The following NTM variants were observed in gnomAD, a reference collection of about 807,000 sequenced individuals.
NTM encodes the protein neurotrimin.
NTM carries 13 observed loss-of-function variants against 42.1 expected under a neutral mutation model. That is an observed-to-expected ratio of 0.31 (90% CI 0.20 to 0.49). NTM has a LOEUF of 0.49. Among genes scored for constraint, NTM ranks in the 20% least tolerant of loss-of-function variants. The probability of loss-of-function intolerance (pLI) is 0.99; values close to 1 mark genes in which losing one functional copy is unlikely to be tolerated. For synonymous variants in NTM, 187 were observed against 179.2 expected (o/e 1.04, Z -0.35); for missense variants, 373 against 452.8 (o/e 0.82, Z 1.60).
In NTM at chr11:131,944,360, T is replaced by C. The variant is rs144632336; in HGVS notation, c.167+32712T>C. Among the ~76,000 whole-genome samples, 567 of 152,298 alleles carry C rather than the reference T, an allele frequency of 3.7e-3. 3 individuals carry two copies. Among genetic ancestry groups the C allele is most frequent in the African/African-American group, 0.013 (537 of 41,564 alleles). On this transcript the variant is annotated intron_variant, in intron 2 of 8. Coordinates refer to ENST00000683400, the MANE Select transcript of NTM (RefSeq NM_001352005.2). ...TTAGTGGTGAGCTCTTGATGAACTA[T>C]ATTTGGGAGGCCCCAGTTTTGCAGG...
chr11:132,248,086 C>G (rs1314739272), intron 4 of NTM, among the ~76,000 whole-genome samples: 1 of 152,166 alleles, frequency 6.6e-6, no homozygotes, highest in African/African-American at 2.4e-5. Flanking sequence ...CCAAAATGTT[C>G]TTGTCTGATG....
intron 2 of NTM, among the ~76,000 whole-genome samples, chr11:131,963,522 A>G (rs977279873): frequency 3.9e-5 from 6 of 152,240 alleles, no homozygotes; most frequent in Admixed American, 3.9e-4. Flanking sequence ...ATGTGCAGAA[A>G]TGCAAGACAC....
At chr11:132,105,630 A>C (rs1591544535) in intron 2 of NTM, among the ~76,000 whole-genome samples, 1 of 152,164 alleles carries the variant, frequency 6.6e-6, no homozygotes, top group Non-Finnish European at 1.5e-5. Flanking sequence ...TCAGTATGAG[A>C]CTTAGGCACT....
At chr11:132,017,835 T>C (rs1173389372) in intron 2 of NTM, among the ~76,000 whole-genome samples, 1 of 152,034 alleles carries the variant, frequency 6.6e-6, no homozygotes, top group East Asian at 1.9e-4. Flanking sequence ...CACAGTATTA[T>C]GTAGTTTTCA....
chr11:132,006,090 G>A (rs1557485), intron 2 of NTM, among the ~76,000 whole-genome samples: 12,621 of 152,150 alleles, frequency 0.083, 684 homozygotes, highest in Non-Finnish European at 0.12. Flanking sequence ...CTCTTTGGAA[G>A]CCTCATCCCA....
At chr11:131,909,093 A>G (rs2054299967) in intron 1 of NTM, among the ~76,000 whole-genome samples, 1 of 152,200 alleles carries the variant, frequency 6.6e-6, no homozygotes, top group Admixed American at 6.5e-5. Flanking sequence ...AGTTAATGCA[A>G]AGTATTTTGA....
intron 2 of NTM, among the ~76,000 whole-genome samples, chr11:131,996,437 C>T (rs1237845768): frequency 6.6e-6 from 1 of 152,174 alleles, no homozygotes. Context: ...TTTATATCGC[C>T]TGCCACTGTG....
chr11:131,627,211 C>A (rs1169643951), intron 1 of NTM, among the ~76,000 whole-genome samples: 1 of 149,522 alleles, frequency 6.7e-6, no homozygotes, highest in African/African-American at 2.5e-5. Context: ...ATAAAGCAGG[C>A]GGCTTTTATT....
At chr11:132,022,849 G>T (rs1057283349) in intron 2 of NTM, among the ~76,000 whole-genome samples, 1 of 152,200 alleles carries the variant, frequency 6.6e-6, no homozygotes, top group African/African-American at 2.4e-5. Flanking sequence ...CCTTCAGCTG[G>T]TGATAATTGG....
intron 4 of NTM, among the ~76,000 whole-genome samples, chr11:132,275,899 G>A (rs1006643103): frequency 1.3e-5 from 2 of 151,486 alleles, no homozygotes; most frequent in East Asian, 1.9e-4. Context: ...GTTAACCATA[G>A]TCACCCTGCA....
chr11:131,757,519 C>T (rs1220034532), intron 1 of NTM, among the ~76,000 whole-genome samples: 2 of 152,194 alleles, frequency 1.3e-5, no homozygotes, highest in Non-Finnish European at 2.9e-5. Flanking sequence ...CACTGATTCT[C>T]TTCCTGCCCT....
chr11:132,115,304 C>T (rs186256391), intron 2 of NTM, among the ~76,000 whole-genome samples: 80 of 151,832 alleles, frequency 5.3e-4, no homozygotes, highest in Middle Eastern at 3.4e-3. Flanking sequence ...ATCCTCACCA[C>T]AAAGGAAAGA....
intron 1 of NTM, among the ~76,000 whole-genome samples, chr11:131,779,849 T>C (rs911480368): frequency 2.0e-4 from 31 of 152,156 alleles, no homozygotes; most frequent in African/African-American, 7.5e-4. Flanking sequence ...GTGAAAAGGA[T>C]GGGAGTGCAG....
At chr11:132,192,149 C>G (rs1411881748) in intron 3 of NTM, among the ~76,000 whole-genome samples, 2 of 152,008 alleles carry the variant, frequency 1.3e-5, no homozygotes, top group African/African-American at 4.8e-5. Flanking sequence ...CATGCAAATT[C>G]AAGAAATTGA....
chr11:132,281,032 G>T (rs1298358920), intron 4 of NTM, among the ~76,000 whole-genome samples: 2 of 152,100 alleles, frequency 1.3e-5, no homozygotes, highest in African/African-American at 4.8e-5. Flanking sequence ...AGCCCCCATT[G>T]CATTGTAGAC....
intron 2 of NTM, among the ~76,000 whole-genome samples, chr11:131,913,898 G>C (rs908772754): frequency 1.3e-5 from 2 of 152,270 alleles, no homozygotes; most frequent in South Asian, 4.1e-4. Flanking sequence ...GGGTCTGAGC[G>C]ACACCAGCCC....
chr11:132,124,601 T>C (rs1398929750), intron 2 of NTM, among the ~76,000 whole-genome samples: 1 of 152,248 alleles, frequency 6.6e-6, no homozygotes, highest in Non-Finnish European at 1.5e-5. Context: ...TCTGAATATT[T>C]TTTGTGTACG....
chr11:132,146,349 A>C lies in NTM; in HGVS notation c.235A>C (p.Asn79His). 6.2e-7 allele frequency: 1 copy of C among 1,614,162 alleles called. No homozygotes were observed. The highest frequency in any genetic ancestry group is 8.5e-7 in the Non-Finnish European group (1 of 1,180,044). ...CCGCAGCACCATCCTCTATGCTGGG[A>C]ATGACAAGTGGTGCCTGGATCCTCG... is the stretch of plus-strand genomic sequence containing the variant. ...LNRSTILYAG[N>H]DKWCLDPRVV... The change falls in exon 3 of 9, where the codon AAT becomes CAT. Residue 79 changes from asparagine (N) to histidine (H), a missense_variant. Around this residue, in one of 3 missense-constraint regions of NTM, gnomAD observed 312 missense variants for 353.5 expected, o/e 0.88. Transcript: ENST00000683400. The surrounding 1 kb of genome is among the most constrained non-coding windows in gnomAD (Gnocchi z 4.5).
intron 4 of NTM, 40 bp downstream of exon 4, chr11:132,212,187 TGGG>T: frequency 6.3e-7 from 1 of 1,583,760 alleles, no homozygotes; most frequent in Non-Finnish European, 8.6e-7. Flanking sequence ...TGAGGATAAA[TGGG>T]GGAATTTTGG....
Sources: gnomAD v4.1 joint callset for allele counts (sites outside exome capture counted in the v4.1 genomes callset) on GRCh38, gnomAD v4.1.1 for gene constraint, gnomAD v4.1.1 regional missense constraint, Gnocchi (gnomAD v3.1) non-coding constraint, MANE v1.5 for transcripts, NCBI Gene and HGNC (gene_info 2026-07-23, HGNC 2026-07-21) for gene names.